The following TNIK variants were observed in gnomAD, a reference collection of about 807,000 sequenced individuals.
The protein encoded by TNIK is TRAF2 and NCK interacting kinase, also known as TRAF2 and NCK-interacting protein kinase.
TNIK carries 49 observed loss-of-function variants against 191.3 expected under a neutral mutation model. That is an observed-to-expected ratio of 0.26 (90% CI 0.20 to 0.32). TNIK has a LOEUF of 0.32. Among genes scored for constraint, TNIK ranks in the 10% least tolerant of loss-of-function variants. The pLI is 1.00. For missense variants in TNIK, 1,155 were observed against 1,702.3 expected, an observed-to-expected ratio of 0.68 and a Z score of 5.66; for synonymous variants, 594 against 600.9, an observed-to-expected ratio of 0.99 and a Z score of 0.17.
intron 1 of TNIK, among the ~76,000 whole-genome samples, chr3:171,398,507 C>T (rs1381540273): frequency 6.6e-6 from 1 of 152,154 alleles, no homozygotes; most frequent in Non-Finnish European, 1.5e-5. Flanking sequence ...CAAAGGAATC[C>T]AAACTCCTCT....
chr3:171,088,873 A>G, intron 23 of TNIK, among the ~76,000 whole-genome samples: 1 of 152,140 alleles, frequency 6.6e-6, no homozygotes, highest in East Asian at 1.9e-4. Flanking sequence ...TCTTTCATTC[A>G]TTCATCAACA....
intron 23 of TNIK, among the ~76,000 whole-genome samples, chr3:171,091,765 C>A (rs1365718457): frequency 2.0e-5 from 3 of 151,494 alleles, no homozygotes; most frequent in African/African-American, 7.3e-5. Flanking sequence ...ATAAAGCAGT[C>A]TCTCTCTCTC....
At position 171,209,064 on chromosome 3, in the gene TNIK, G is replaced by GGTGTGTGTGTGTGT. The variant is rs61264225; in HGVS notation, c.306+2038_306+2051dup. On this transcript the variant is annotated intron_variant, in intron 4 of 32. Coordinates refer to ENST00000436636, the MANE Select transcript of TNIK (RefSeq NM_015028.4). Reference sequence around the variant, plus strand: ...AAAGTAAGGTGTTTGCTTTGGAAGGGGTGTGTGTGTGTGTGTGTGTGTGTG... The same window carrying GGTGTGTGTGTGTGT: ...AAAGTAAGGTGTTTGCTTTGGAAGGGGTGTGTGTGTGTGTGTGTGTGTGTGTGTGTGTGTGTGTG... 9.5e-3 allele frequency among the ~76,000 whole-genome samples: 1,354 copies of GGTGTGTGTGTGTGT among 142,090 alleles called. 14 individuals are homozygous for GGTGTGTGTGTGTGT. Among genetic ancestry groups the GGTGTGTGTGTGTGT allele is most frequent in the African/African-American group, 0.019 (729 of 37,834 alleles). 93.2% of individuals were successfully genotyped at this position (142,090 alleles called of 152,430 possible).
intron 2 of TNIK, among the ~76,000 whole-genome samples, chr3:171,248,436 T>C (rs986926334): frequency 4.6e-5 from 7 of 152,178 alleles, no homozygotes; most frequent in Non-Finnish European, 7.3e-5. Flanking sequence ...GTGGATATTA[T>C]GGAAGAACAA....
intron 28 of TNIK, among the ~76,000 whole-genome samples, chr3:171,074,538 C>T (rs1263125214): frequency 6.6e-6 from 1 of 151,848 alleles, no homozygotes; most frequent in African/African-American, 2.4e-5. Context: ...AAAAAAAATC[C>T]CTTCAGATTT....
intron 22 of TNIK, among the ~76,000 whole-genome samples, chr3:171,099,550 C>T (rs1364641544): frequency 6.6e-6 from 1 of 152,092 alleles, no homozygotes; most frequent in Non-Finnish European, 1.5e-5. Context: ...ATGAGTAAGG[C>T]ATAACCCTTA....
chr3:171,297,992 C>T (rs1022020376), intron 2 of TNIK, among the ~76,000 whole-genome samples: 1 of 152,162 alleles, frequency 6.6e-6, no homozygotes, highest in African/African-American at 2.4e-5. Context: ...GGATTTAGTT[C>T]CTTACAATAT....
intron 2 of TNIK, among the ~76,000 whole-genome samples, chr3:171,300,562 A>G (rs1251623900): frequency 6.6e-6 from 1 of 152,226 alleles, no homozygotes; most frequent in Non-Finnish European, 1.5e-5. Flanking sequence ...TGTGCTTTCA[A>G]TATAAATGAT....
intron 8 of TNIK, among the ~76,000 whole-genome samples, chr3:171,177,058 C>G (rs1215957984): frequency 6.6e-6 from 1 of 151,546 alleles, no homozygotes; most frequent in Non-Finnish European, 1.5e-5. Context: ...AAATGATGTA[C>G]AGAATCTGTA....
intron 21 of TNIK, 182 bp from the exon 22 acceptor site, chr3:171,101,815 G>A (rs1469736936): frequency 1.6e-6 from 1 of 610,482 alleles, no homozygotes; most frequent in Non-Finnish European, 2.7e-6. Flanking sequence ...AGCTAGAAAA[G>A]AAAGATGAAA....
intron 7 of TNIK, among the ~76,000 whole-genome samples, chr3:171,183,388 C>CTGTA (rs1162066836): frequency 6.6e-6 from 1 of 152,210 alleles, no homozygotes; most frequent in East Asian, 1.9e-4. Context: ...AGCCAGCATA[C>CTGTA]TGTATCACAG....
chr3:171,347,271 C>G lies in TNIK; in HGVS notation c.123+22349G>C, dbSNP rs1041122244. On this transcript the variant is annotated intron_variant, in intron 2 of 32. Transcript: ENST00000436636. ...AATGACAAAACCCTAGCTCAGGCAC[C>G]AAACACATAGAGCACACTCTCTTCT... is the stretch of plus-strand genomic sequence containing the variant. 1.2e-5 allele frequency: 18 copies of G among 1,509,230 alleles called. No individual in the cohort carries two copies. In the Admixed American group the frequency reaches 3.7e-4, roughly 31 times the overall value. 93.5% of individuals were successfully genotyped at this position (1,509,230 alleles called of 1,614,324 possible). A position where few individuals can be genotyped will look rare whatever the true frequency, so the allele number is the denominator to read the frequency against.
chr3:171,458,359 T>G (rs73173693), intron 1 of TNIK, among the ~76,000 whole-genome samples: 5,909 of 152,210 alleles, frequency 0.039, 177 homozygotes, highest in African/African-American at 0.077. Flanking sequence ...AGCCGGTTCT[T>G]GATGTGGCAT....
At chr3:171,128,656 TA>T in intron 16 of TNIK, 57 bp downstream of exon 16, 1 of 1,542,384 alleles carries the variant, frequency 6.5e-7, no homozygotes, top group Non-Finnish European at 8.8e-7. Context: ...AGGCTTTTAA[TA>T]ATAGGTTTTC....
rs148644297 is a variant in TNIK, at chr3:171,318,419, A to G, written c.123+51201T>C. Among the ~76,000 whole-genome samples the G allele has an allele frequency of 6.6e-5, 10 of 152,296 alleles. No individual in the cohort carries two copies. The East Asian group carries it at 1.7e-3, about 26-fold the overall frequency. On this transcript the variant is annotated intron_variant, in intron 2 of 32. Coordinates refer to ENST00000436636, the MANE Select transcript of TNIK (RefSeq NM_015028.4). Reference sequence around the variant, plus strand: ...CTAATGGTCTTAAATTTCTGTTTAAAGAGAATAAGCTTGGTTGGCCCTAGA... The same window carrying G: ...CTAATGGTCTTAAATTTCTGTTTAAGGAGAATAAGCTTGGTTGGCCCTAGA...
At chr3:171,308,794 A>C (rs1577424936) in intron 2 of TNIK, among the ~76,000 whole-genome samples, 1 of 152,202 alleles carries the variant, frequency 6.6e-6, no homozygotes, top group East Asian at 1.9e-4. Context: ...CAAGCATATG[A>C]AAAAATGCTC....
chr3:171,221,036 C>T (rs765342888), intron 3 of TNIK, among the ~76,000 whole-genome samples: 1 of 152,094 alleles, frequency 6.6e-6, no homozygotes, highest in Non-Finnish European at 1.5e-5. Context: ...CTAAAGTGTG[C>T]ATGGAGTGGG....
intron 2 of TNIK, among the ~76,000 whole-genome samples, chr3:171,327,112 G>T (rs1577490174): frequency 1.3e-5 from 2 of 152,170 alleles, no homozygotes; most frequent in Admixed American, 6.5e-5. Flanking sequence ...TGATTTCTGG[G>T]ACAATTAGGG....
intron 2 of TNIK, among the ~76,000 whole-genome samples, chr3:171,229,236 G>A (rs1743319177): frequency 6.6e-6 from 1 of 152,190 alleles, no homozygotes; most frequent in Non-Finnish European, 1.5e-5. Flanking sequence ...GCAGATGCTG[G>A]CCGTAATTAT....
Sources: gnomAD v4.1 joint callset for allele counts (sites outside exome capture counted in the v4.1 genomes callset) on GRCh38, gnomAD v4.1.1 for gene constraint, MANE v1.5 for transcripts, NCBI Gene and HGNC (gene_info 2026-07-23, HGNC 2026-07-21) for gene names.